GRID1: variants seen among roughly 807,000 people sequenced by gnomAD.
GRID1 encodes the protein glutamate ionotropic receptor delta type subunit 1.
In GRID1, 28 loss-of-function variants were observed where a neutral mutation model predicts 98.0. The ratio of observed to expected loss-of-function variants is 0.29; its 90% confidence interval spans 0.21 to 0.39. The LOEUF (loss-of-function observed/expected upper bound fraction) is 0.39. GRID1 is among the 10% of genes least tolerant of loss of function. The pLI is 1.00. For missense variants in GRID1, 1,111 were observed against 1,340.5 expected, an observed-to-expected ratio of 0.83 and a Z score of 2.67; for synonymous variants, 553 against 538.5, an observed-to-expected ratio of 1.03 and a Z score of -0.37.
intron 4 of GRID1, among the ~76,000 whole-genome samples, chr10:86,021,610 A>G (rs1489347533): frequency 6.6e-6 from 1 of 152,018 alleles, no homozygotes; most frequent in Non-Finnish European, 1.5e-5. Context: ...GCCCCCACAC[A>G]TGCATGATCT....
At chr10:85,692,709 G>A (rs1029061758) in intron 12 of GRID1, among the ~76,000 whole-genome samples, 3 of 150,128 alleles carry the variant, frequency 2.0e-5, no homozygotes, top group Admixed American at 6.6e-5. Flanking sequence ...ACACAAGGAG[G>A]ACAAATAAAT....
chr10:85,834,298 C>A (rs1478941206), intron 8 of GRID1, among the ~76,000 whole-genome samples: 2 of 152,102 alleles, frequency 1.3e-5, no homozygotes, highest in African/African-American at 4.8e-5. Flanking sequence ...CTATGGTAAT[C>A]AGTAGAAAAT....
intron 4 of GRID1, among the ~76,000 whole-genome samples, chr10:86,094,184 A>G (rs1844187776): frequency 6.6e-6 from 1 of 152,214 alleles, no homozygotes; most frequent in Non-Finnish European, 1.5e-5. Flanking sequence ...ATCAGCATAC[A>G]AGGGACATAC....
chr10:85,822,214 G>T (rs1019004552), intron 8 of GRID1, among the ~76,000 whole-genome samples: 3 of 152,118 alleles, frequency 2.0e-5, no homozygotes, highest in Admixed American at 6.5e-5. Flanking sequence ...AAGAGCTTCT[G>T]CACAGCAAAA....
At chr10:86,311,546 T>C (rs1442724402) in intron 2 of GRID1, among the ~76,000 whole-genome samples, 1 of 152,130 alleles carries the variant, frequency 6.6e-6, no homozygotes, top group Non-Finnish European at 1.5e-5. Flanking sequence ...CACACTTGTA[T>C]GATAAATGCC....
chr10:86,087,453 T>C (rs768072081), intron 4 of GRID1, among the ~76,000 whole-genome samples: 2 of 150,892 alleles, frequency 1.3e-5, no homozygotes. Flanking sequence ...TGATAGGTTG[T>C]TCCTGAGACT....
chr10:86,318,317 C>G (rs1847925968), intron 2 of GRID1, among the ~76,000 whole-genome samples: 1 of 152,252 alleles, frequency 6.6e-6, no homozygotes, highest in Non-Finnish European at 1.5e-5. Context: ...TCGCATGTAA[C>G]TCAGACCTAG....
chr10:86,335,256 T>G (rs956899807), intron 2 of GRID1, among the ~76,000 whole-genome samples: 17 of 152,222 alleles, frequency 1.1e-4, no homozygotes, highest in African/African-American at 4.1e-4. Context: ...ATTGAGTACC[T>G]CCCAGGTGCT....
At chr10:85,867,336 A>G (rs1413315163) in intron 6 of GRID1, among the ~76,000 whole-genome samples, 1 of 152,164 alleles carries the variant, frequency 6.6e-6, no homozygotes, top group Non-Finnish European at 1.5e-5. Context: ...AGGGCATATG[A>G]GGCAAGGGTG....
chr10:85,769,230 C>A (rs1454085584), intron 8 of GRID1, among the ~76,000 whole-genome samples: 1 of 152,110 alleles, frequency 6.6e-6, no homozygotes, highest in African/African-American at 2.4e-5. Flanking sequence ...CAGCTGGAGG[C>A]CATTATCCTA....
chr10:85,678,648 C>A (rs1317245303), intron 12 of GRID1, among the ~76,000 whole-genome samples: 2 of 152,100 alleles, frequency 1.3e-5, no homozygotes, highest in Admixed American at 6.5e-5. Context: ...ATACATCAGC[C>A]CTTCTTTACC....
intron 4 of GRID1, among the ~76,000 whole-genome samples, chr10:86,097,470 A>G (rs1409358422): frequency 1.3e-5 from 2 of 152,180 alleles, no homozygotes; most frequent in Non-Finnish European, 2.9e-5. Flanking sequence ...CCGTCTATCT[A>G]TCTACCACCT....
chr10:86,088,928 G>C (rs1454858360), intron 4 of GRID1, among the ~76,000 whole-genome samples: 2 of 151,812 alleles, frequency 1.3e-5, no homozygotes, highest in African/African-American at 2.4e-5. Flanking sequence ...CAGAAGTCCT[G>C]CTCTATCTAG....
Position 85,869,063 on chromosome 10 carries a change from G to A in GRID1, c.898C>T (p.Arg300Cys), listed in dbSNP as rs769943428. 5 of 1,613,958 alleles carry A rather than the reference G, an allele frequency of 3.1e-6. No individual in the cohort carries two copies. Among genetic ancestry groups the A allele is most frequent in the South Asian group, 2.2e-5 (2 of 91,064 alleles). The change falls in exon 6 of 16, where the codon CGC (arginine) becomes TGC (cysteine). Residue 300 changes from arginine (R) to cysteine (C), a missense_variant. Arg to Cys is a radical substitution (Grantham distance 180). This residue lies in a region of GRID1 where 346 missense variants were observed against 452.3 expected (regional missense o/e 0.76). Coordinates refer to ENST00000327946, the MANE Select transcript of GRID1 (RefSeq NM_017551.3). ...DNQKCTRNNH[R>C]ISSLLCDPQE... is the part of the protein sequence containing the mutation. The stretch of plus-strand genomic sequence containing the variant: ...GGGTCGCAGAGCAGGGAGGAGATGC[G>A]GTGGTTGTTCCTCGTGCATTTCTGA...
intron 2 of GRID1, among the ~76,000 whole-genome samples, chr10:86,263,144 C>T (rs2132056453): frequency 6.6e-6 from 1 of 152,386 alleles, no homozygotes; most frequent in East Asian, 1.9e-4. Context: ...AATGAGGCTT[C>T]TCACTACTGC....
intron 4 of GRID1, among the ~76,000 whole-genome samples, chr10:86,094,946 T>C (rs1018990449): frequency 1.3e-5 from 2 of 152,092 alleles, no homozygotes; most frequent in African/African-American, 2.4e-5. Context: ...TTTCAAACTA[T>C]ACTGTAAGGC....
At chr10:86,293,411 A>G (rs1255638732) in intron 2 of GRID1, among the ~76,000 whole-genome samples, 1 of 152,170 alleles carries the variant, frequency 6.6e-6, no homozygotes, top group Non-Finnish European at 1.5e-5. Context: ...TCAAAGCCCC[A>G]GAGGAACTTC....
chr10:85,997,914 T>G (rs1401840421), intron 4 of GRID1, among the ~76,000 whole-genome samples: 1 of 151,752 alleles, frequency 6.6e-6, no homozygotes, highest in Non-Finnish European at 1.5e-5. Context: ...AAAGCCAGAG[T>G]AGCTAAATTA....
At chr10:85,739,297 T>C (rs1426109475) in intron 8 of GRID1, among the ~76,000 whole-genome samples, 3 of 152,062 alleles carry the variant, frequency 2.0e-5, no homozygotes, top group Non-Finnish European at 1.5e-5. Context: ...AATAACATTA[T>C]GGCCGGGCAC....
Sources: gnomAD v4.1 joint callset for allele counts (sites outside exome capture counted in the v4.1 genomes callset) on GRCh38, gnomAD v4.1.1 for gene constraint, gnomAD v4.1.1 regional missense constraint, MANE v1.5 for transcripts, NCBI Gene and HGNC (gene_info 2026-07-23, HGNC 2026-07-21) for gene names.